MAML3: variants seen among roughly 807,000 people sequenced by gnomAD.
MAML3 encodes mastermind like transcriptional coactivator 3, also known as mastermind-like protein 3.
In MAML3, 27 loss-of-function variants were observed where a neutral mutation model predicts 101.9. That is an observed-to-expected ratio of 0.27 (90% CI 0.20 to 0.37). The LOEUF is 0.37. Ranked by LOEUF, MAML3 falls within the 10% of genes least tolerant of loss-of-function variation. The pLI, the probability that MAML3 is intolerant of heterozygous loss-of-function variation, is 1.00. For synonymous variants in MAML3, 501 were observed against 555.9 expected (o/e 0.90, Z 1.39); for missense variants, 1,316 against 1,444.9 (o/e 0.91, Z 1.45).
At chr4:140,066,689 AG>A (rs1446366620) in intron 1 of MAML3, among the ~76,000 whole-genome samples, 1 of 152,214 alleles carries the variant, frequency 6.6e-6, no homozygotes, top group Non-Finnish European at 1.5e-5. Flanking sequence ...CACCAGAGGC[AG>A]GGAATATACA....
chr4:140,117,675 G>T (rs772588165), intron 1 of MAML3, among the ~76,000 whole-genome samples: 2 of 151,076 alleles, frequency 1.3e-5, no homozygotes, highest in Non-Finnish European at 2.9e-5. Context: ...ACATATATAC[G>T]TATGTGTATA....
At chr4:139,982,781 T>C (rs528094843) in intron 1 of MAML3, among the ~76,000 whole-genome samples, 2 of 152,308 alleles carry the variant, frequency 1.3e-5, no homozygotes, top group South Asian at 4.1e-4. Flanking sequence ...TCTAGCCTAC[T>C]CTCCTAGCTT....
intron 2 of MAML3, among the ~76,000 whole-genome samples, chr4:139,831,703 C>G (rs187033012): frequency 6.6e-6 from 1 of 151,938 alleles, no homozygotes. Context: ...AGATCCTGGG[C>G]GTGTGGCCAG....
At chr4:139,772,009 G>A (rs1369430682) in intron 2 of MAML3, among the ~76,000 whole-genome samples, 1 of 151,546 alleles carries the variant, frequency 6.6e-6, no homozygotes, top group East Asian at 2.0e-4. Context: ...GGAGGCCGAG[G>A]TGGGCGGATC....
At chr4:139,942,397 T>A (rs1733625123) in intron 1 of MAML3, among the ~76,000 whole-genome samples, 1 of 152,186 alleles carries the variant, frequency 6.6e-6, no homozygotes, top group Non-Finnish European at 1.5e-5. Context: ...TCCTATGCCC[T>A]GCTACAAACA....
intron 1 of MAML3, among the ~76,000 whole-genome samples, chr4:140,123,586 A>T (rs1001661906): frequency 6.6e-6 from 1 of 152,098 alleles, no homozygotes; most frequent in African/African-American, 2.4e-5. Flanking sequence ...GTCCAGAGGG[A>T]TGTCATTTCG....
intron 2 of MAML3, among the ~76,000 whole-genome samples, chr4:139,763,069 C>T (rs1729787235): frequency 1.3e-5 from 2 of 152,138 alleles, no homozygotes; most frequent in African/African-American, 2.4e-5. Context: ...TACTGCTTGT[C>T]CTAAAGATTC....
intron 1 of MAML3, among the ~76,000 whole-genome samples, chr4:139,980,257 T>TA (rs1734421731): frequency 6.6e-6 from 1 of 152,090 alleles, no homozygotes; most frequent in South Asian, 2.1e-4. Flanking sequence ...CCACAGACAA[T>TA]AAAGACTGGG....
intron 2 of MAML3, among the ~76,000 whole-genome samples, chr4:139,743,798 G>C (rs1729234960): frequency 2.0e-5 from 3 of 152,138 alleles, no homozygotes; most frequent in African/African-American, 7.2e-5. Context: ...ATATAAAAAA[G>C]GTCGACAAGG....
At chr4:139,950,800 A>T (rs1034762260) in intron 1 of MAML3, among the ~76,000 whole-genome samples, 33 of 152,144 alleles carry the variant, frequency 2.2e-4, no homozygotes, top group African/African-American at 7.5e-4. Flanking sequence ...CCACCCTGCT[A>T]AGAGTCCTCC....
intron 1 of MAML3, among the ~76,000 whole-genome samples, chr4:140,015,040 G>C (rs1726620419): frequency 6.6e-6 from 1 of 152,140 alleles, no homozygotes; most frequent in Non-Finnish European, 1.5e-5. Flanking sequence ...AAAATTTAAA[G>C]TGAAAATGAG....
intron 1 of MAML3, among the ~76,000 whole-genome samples, chr4:140,048,581 G>C (rs1253686964): frequency 1.3e-5 from 2 of 152,210 alleles, no homozygotes; most frequent in Non-Finnish European, 2.9e-5. Context: ...AATTACCCAG[G>C]TAACTTGGGT....
At chr4:139,758,374 AAT>A in intron 2 of MAML3, among the ~76,000 whole-genome samples, 1 of 152,196 alleles carries the variant, frequency 6.6e-6, no homozygotes, top group Non-Finnish European at 1.5e-5. Flanking sequence ...GTAGAATCTG[AAT>A]ATATCTTTTA....
At chr4:140,073,876 G>C (rs1014912369) in intron 1 of MAML3, among the ~76,000 whole-genome samples, 1 of 151,934 alleles carries the variant, frequency 6.6e-6, no homozygotes, top group Non-Finnish European at 1.5e-5. Context: ...GCTCATACCT[G>C]TAATCCCAGC....
Position 139,752,835 on chromosome 4 carries a change from A to G in MAML3, c.2080-22168T>C, listed in dbSNP as rs532170394. ...AAAAAAATGTCCCTCTACATTGATAACCATAGTTCTTCAGGCTGTTAATGC... is the reference window on the plus strand; with the variant it reads ...AAAAAAATGTCCCTCTACATTGATAGCCATAGTTCTTCAGGCTGTTAATGC... On this transcript the variant is annotated intron_variant, in intron 2 of 4. Coordinates refer to ENST00000509479, the MANE Select transcript of MAML3 (RefSeq NM_018717.5). Among the ~76,000 whole-genome samples the G allele has an allele frequency of 4.6e-5, 7 of 152,274 alleles. No homozygotes were observed. The East Asian group carries it at 1.4e-3, about 29-fold the overall frequency.
chr4:139,983,294 C>A (rs902954240), intron 1 of MAML3, among the ~76,000 whole-genome samples: 1 of 152,158 alleles, frequency 6.6e-6, no homozygotes, highest in Non-Finnish European at 1.5e-5. Context: ...GCAACCACTG[C>A]TCTGTTTACC....
chr4:139,745,756 T>C (rs1018389955), intron 2 of MAML3, among the ~76,000 whole-genome samples: 2 of 152,238 alleles, frequency 1.3e-5, no homozygotes, highest in Admixed American at 6.5e-5. Context: ...TTTATTTAAA[T>C]GTGAATTTAG....
At position 140,029,551 on chromosome 4, in the gene MAML3, T is replaced by C. The variant is rs116676961; in HGVS notation, c.468+123309A>G. On this transcript the variant is annotated intron_variant, in intron 1 of 4. Coordinates refer to ENST00000509479, the MANE Select transcript of MAML3 (RefSeq NM_018717.5). ...TGTATTGTAGCACAAAAATAAATTTTTTAAAATAGGGAAAATTTTGAGAAA... is the reference window on the plus strand; with the variant it reads ...TGTATTGTAGCACAAAAATAAATTTCTTAAAATAGGGAAAATTTTGAGAAA... Among the ~76,000 whole-genome samples, 726 of 152,282 alleles carry C rather than the reference T, an allele frequency of 4.8e-3. 6 individuals carry two copies. Among genetic ancestry groups the C allele is most frequent in the African/African-American group, 0.014 (580 of 41,556 alleles).
At chr4:140,066,337 T>G (rs994377005) in intron 1 of MAML3, among the ~76,000 whole-genome samples, 1 of 152,200 alleles carries the variant, frequency 6.6e-6, no homozygotes, top group Non-Finnish European at 1.5e-5. Context: ...GTAGCTAACA[T>G]AGTGCCTTAT....
Sources: allele counts gnomAD v4.1 joint callset (sites outside exome capture counted in the v4.1 genomes callset), GRCh38; gene constraint gnomAD v4.1.1; transcripts MANE v1.5; gene names NCBI Gene and HGNC (gene_info 2026-07-23, HGNC 2026-07-21).